Variants in MMP16 observed in about 807,000 individuals in gnomAD.
The protein encoded by MMP16 is matrix metalloproteinase-16.
Under a neutral mutation model 67.8 loss-of-function variants are expected in MMP16, and 12 were observed. The observed-to-expected ratio is 0.18, with a 90% CI of 0.11 to 0.29. The LOEUF is 0.29. Among genes scored for constraint, MMP16 ranks in the 10% least tolerant of loss-of-function variants. The probability of loss-of-function intolerance (pLI) is 1.00; values close to 1 mark genes in which losing one functional copy is unlikely to be tolerated. For missense variants in MMP16, 475 were observed against 765.7 expected (o/e 0.62, Z 4.48); for synonymous variants, 249 against 255.9 (o/e 0.97, Z 0.26).
At chr8:88,081,936 T>C (rs1223602316) in intron 6 of MMP16, among the ~76,000 whole-genome samples, 8 of 152,060 alleles carry the variant, frequency 5.3e-5, no homozygotes, top group Non-Finnish European at 1.0e-4. Context: ...TATAAAAACA[T>C]TGGTTGTGAC....
chr8:88,310,589 C>T (rs1001450177), intron 1 of MMP16, among the ~76,000 whole-genome samples: 2 of 152,110 alleles, frequency 1.3e-5, no homozygotes, highest in Non-Finnish European at 2.9e-5. Context: ...GAGCACTCTA[C>T]TTGCATGGTG....
chr8:88,261,636 C>T (rs910778367), intron 1 of MMP16, among the ~76,000 whole-genome samples: 12 of 152,118 alleles, frequency 7.9e-5, no homozygotes, highest in Middle Eastern at 3.4e-3. Context: ...ATGGAGACTG[C>T]GTATCATCAT....
intron 6 of MMP16, among the ~76,000 whole-genome samples, chr8:88,076,846 T>C (rs1416564579): frequency 6.6e-6 from 1 of 152,116 alleles, no homozygotes; most frequent in African/African-American, 2.4e-5. Context: ...ACCATGACTA[T>C]ATATGAAACA....
At chr8:88,092,572 T>C (rs543287446) in intron 6 of MMP16, among the ~76,000 whole-genome samples, 244 of 151,944 alleles carry the variant, frequency 1.6e-3, no homozygotes, top group African/African-American at 5.6e-3. Context: ...GTGGTGCTCA[T>C]TGTGGTATTC....
chr8:88,276,804 C>G (rs1810656087), intron 1 of MMP16, among the ~76,000 whole-genome samples: 1 of 152,020 alleles, frequency 6.6e-6, no homozygotes, highest in African/African-American at 2.4e-5. Context: ...ATTAACCACT[C>G]TGCATTGGTT....
chr8:88,069,848 A>T (rs1808522333), intron 7 of MMP16, among the ~76,000 whole-genome samples: 1 of 152,258 alleles, frequency 6.6e-6, no homozygotes, highest in Non-Finnish European at 1.5e-5. Context: ...ATTAGCTTAC[A>T]AATAAGATAA....
intron 1 of MMP16, among the ~76,000 whole-genome samples, chr8:88,276,574 A>T (rs1174327321): frequency 6.6e-6 from 1 of 152,158 alleles, no homozygotes; most frequent in Non-Finnish European, 1.5e-5. Context: ...TTTCAAAGAA[A>T]ATATTTTTAA....
chr8:88,148,884 C>T (rs62525945), intron 4 of MMP16, among the ~76,000 whole-genome samples: 1,685 of 152,278 alleles, frequency 0.011, 21 homozygotes, highest in Non-Finnish European at 0.014. Context: ...GGAACAGCTC[C>T]GGTCTACAGC....
At chr8:88,307,114 G>A (rs1333411065) in intron 1 of MMP16, among the ~76,000 whole-genome samples, 1 of 152,142 alleles carries the variant, frequency 6.6e-6, no homozygotes, top group Non-Finnish European at 1.5e-5. Flanking sequence ...AAAATTGCTA[G>A]CATTCCCATA....
At chr8:88,130,759 CGTGT>C (rs112295025) in intron 4 of MMP16, among the ~76,000 whole-genome samples, 63,437 of 146,588 alleles carry the variant, frequency 0.43, 13,478 homozygotes, top group African/African-American at 0.5. Flanking sequence ...TTGTGAAATA[CGTGT>C]GTGTGTGTGT....
At chr8:88,217,479 A>T (rs1809612511) in intron 1 of MMP16, among the ~76,000 whole-genome samples, 1 of 152,128 alleles carries the variant, frequency 6.6e-6, no homozygotes, top group Non-Finnish European at 1.5e-5. Flanking sequence ...GAATATCTGT[A>T]ATATTAATCC....
intron 1 of MMP16, among the ~76,000 whole-genome samples, chr8:88,201,725 T>A (rs1346033959): frequency 6.6e-6 from 1 of 152,164 alleles, no homozygotes; most frequent in Non-Finnish European, 1.5e-5. Flanking sequence ...AATTTCCATT[T>A]TTCAGTATGA....
intron 1 of MMP16, among the ~76,000 whole-genome samples, chr8:88,312,851 C>T (rs1035022114): frequency 9.2e-5 from 14 of 152,048 alleles, no homozygotes; most frequent in Non-Finnish European, 1.9e-4. Flanking sequence ...GCCTGTAATC[C>T]CAGCCACTTG....
At chr8:88,271,026 A>G (rs1265231792) in intron 1 of MMP16, among the ~76,000 whole-genome samples, 4 of 152,242 alleles carry the variant, frequency 2.6e-5, no homozygotes, top group Non-Finnish European at 5.9e-5. Context: ...TGAATAATAA[A>G]TGAATAAGAC....
intron 7 of MMP16, among the ~76,000 whole-genome samples, chr8:88,064,535 G>A (rs142318732): frequency 6.6e-6 from 1 of 152,128 alleles, no homozygotes; most frequent in East Asian, 1.9e-4. Context: ...TACATAGGAT[G>A]CTAACTTAAT....
intron 4 of MMP16, among the ~76,000 whole-genome samples, chr8:88,158,697 T>G (rs542123124): frequency 1.6e-4 from 25 of 152,338 alleles, no homozygotes; most frequent in African/African-American, 5.8e-4. Context: ...ATTTTGGCTT[T>G]TGTTGCCATT....
At chr8:88,205,577 T>C (rs866160791) in intron 1 of MMP16, among the ~76,000 whole-genome samples, 2 of 152,192 alleles carry the variant, frequency 1.3e-5, no homozygotes, top group Non-Finnish European at 2.9e-5. Context: ...AATATTCTTA[T>C]TTCTATGCTA....
rs567707051 is a variant in MMP16, at chr8:88,065,969, G to A, written c.1222+8636C>T. ...ATTTTTATTCCCAAATTTTACTGCC[G>A]TCCTCTTTTCTGCCTCATATATTTT... On this transcript the variant is annotated intron_variant, in intron 7 of 9. Coordinates refer to ENST00000286614, the MANE Select transcript of MMP16 (RefSeq NM_005941.5). Among the ~76,000 whole-genome samples the A allele has an allele frequency of 2.6e-5, 4 of 151,822 alleles. 1 individual carries two copies. The highest frequency in any genetic ancestry group is 4.8e-5 in the African/African-American group (2 of 41,332).
rs1810715713 is a variant in MMP16, at chr8:88,280,476, A to G, written c.132+46599T>C. On this transcript the variant is annotated intron_variant, in intron 1 of 9. Transcript: ENST00000286614. ...AATATACCATCTCCATGTTTTTGAA[A>G]GGAATGATTCTGGTCTGTGTCTTAA... 3.9e-5 allele frequency among the ~76,000 whole-genome samples: 6 copies of G among 152,360 alleles called. No homozygotes were observed. In the South Asian group the frequency reaches 1.0e-3, roughly 26 times the overall value.
Sources: gnomAD v4.1 joint callset for allele counts (sites outside exome capture counted in the v4.1 genomes callset) on GRCh38, gnomAD v4.1.1 for gene constraint, MANE v1.5 for transcripts, NCBI Gene and HGNC (gene_info 2026-07-23, HGNC 2026-07-21) for gene names.